Variants in SOX6 observed in about 807,000 individuals in gnomAD.
SOX6 encodes SRY-box transcription factor 6.
SOX6 carries 11 observed loss-of-function variants against 97.8 expected under a neutral mutation model. The ratio of observed to expected loss-of-function variants is 0.11; its 90% confidence interval spans 0.07 to 0.19. The LOEUF (loss-of-function observed/expected upper bound fraction) is 0.19. Among genes scored for constraint, SOX6 ranks in the 10% least tolerant of loss-of-function variants. The pLI is 1.00. For synonymous variants in SOX6, 360 were observed against 371.4 expected, an observed-to-expected ratio of 0.97 and a Z score of 0.35; for missense variants, 810 against 1,039.5, an observed-to-expected ratio of 0.78 and a Z score of 3.04.
intron 4 of SOX6, among the ~76,000 whole-genome samples, chr11:16,604,327 A>T (rs996461361): frequency 6.6e-6 from 1 of 151,542 alleles, no homozygotes; most frequent in Non-Finnish European, 1.5e-5. Context: ...CACCAAACCC[A>T]CCTCCTAGAA....
chr11:16,340,468 A>G (rs1413843296), intron 2 of SOX6, among the ~76,000 whole-genome samples: 1 of 152,078 alleles, frequency 6.6e-6, no homozygotes, highest in Non-Finnish European at 1.5e-5. Flanking sequence ...AAACTCCTGT[A>G]GTCTGATTGA....
rs905476851 is a variant in SOX6, at chr11:16,120,459, G to A, written c.778-8536C>T. Reference sequence around the variant, plus strand: ...AAGTAAACTCCTTAAAAAGTAGAACGAACTCAAGATGTTATAGTTTAAAAG... The same window carrying A: ...AAGTAAACTCCTTAAAAAGTAGAACAAACTCAAGATGTTATAGTTTAAAAG... On this transcript the variant is annotated intron_variant, in intron 6 of 15. Transcript: ENST00000683767. 5.9e-5 allele frequency among the ~76,000 whole-genome samples: 9 copies of A among 151,524 alleles called. No homozygotes were observed. In the South Asian group the frequency reaches 6.2e-4, roughly 10 times the overall value.
intron 1 of SOX6, among the ~76,000 whole-genome samples, chr11:16,466,516 A>C (rs544153201): frequency 1.4e-4 from 22 of 152,282 alleles, no homozygotes; most frequent in African/African-American, 5.3e-4. Flanking sequence ...AAAAGAAACT[A>C]TCGACAGAGT....
At chr11:16,536,603 A>C (rs1395750554) in intron 4 of SOX6, among the ~76,000 whole-genome samples, 2 of 152,122 alleles carry the variant, frequency 1.3e-5, no homozygotes, top group Non-Finnish European at 2.9e-5. Flanking sequence ...CCACACAAAT[A>C]CTGTGCTTTT....
intron 3 of SOX6, among the ~76,000 whole-genome samples, chr11:16,289,152 T>C (rs747595030): frequency 6.6e-6 from 1 of 151,954 alleles, no homozygotes; most frequent in East Asian, 1.9e-4. Flanking sequence ...ATTTGTATAG[T>C]TAAAAACAAT....
intron 1 of SOX6, among the ~76,000 whole-genome samples, chr11:16,451,791 T>C (rs1238023584): frequency 6.6e-6 from 1 of 151,840 alleles, no homozygotes; most frequent in African/African-American, 2.4e-5. Context: ...CCCAACACTT[T>C]GGGAGGCCGA....
At chr11:16,421,831 C>G (rs559468498) in intron 1 of SOX6, among the ~76,000 whole-genome samples, 65 of 152,322 alleles carry the variant, frequency 4.3e-4, no homozygotes, top group African/African-American at 1.5e-3. Context: ...CTGTAAGAAT[C>G]AGTTTACTGT....
chr11:16,226,290 T>C (rs1162645403), intron 4 of SOX6, among the ~76,000 whole-genome samples: 11 of 151,712 alleles, frequency 7.3e-5, no homozygotes, highest in Admixed American at 7.2e-4. Context: ...ACGATTTTCC[T>C]TATTTGGTTG....
At chr11:15,978,414 C>T (rs564412786) in intron 15 of SOX6, among the ~76,000 whole-genome samples, 12 of 151,988 alleles carry the variant, frequency 7.9e-5, no homozygotes, top group South Asian at 2.1e-4. Context: ...ATCTATAACA[C>T]GGGCAGCATT....
intron 2 of SOX6, among the ~76,000 whole-genome samples, chr11:16,725,057 T>C (rs1848296482): frequency 6.6e-6 from 1 of 152,170 alleles, no homozygotes; most frequent in African/African-American, 2.4e-5. Flanking sequence ...AAATCTCTTC[T>C]ACACAAATGT....
intron 1 of SOX6, among the ~76,000 whole-genome samples, chr11:16,355,022 T>C (rs1857038453): frequency 6.6e-6 from 1 of 152,062 alleles, no homozygotes; most frequent in Non-Finnish European, 1.5e-5. Context: ...CAATTCACTT[T>C]AGAAAATCAA....
At chr11:16,691,900 C>T (rs1279486393) in intron 3 of SOX6, among the ~76,000 whole-genome samples, 2 of 152,128 alleles carry the variant, frequency 1.3e-5, no homozygotes, top group African/African-American at 2.4e-5. Context: ...ATTTGTAAAC[C>T]AGATGCATCT....
chr11:16,094,929 T>C (rs1848762288), intron 9 of SOX6, among the ~76,000 whole-genome samples: 1 of 151,704 alleles, frequency 6.6e-6, no homozygotes, highest in Admixed American at 6.6e-5. Flanking sequence ...TTCTTAGGAG[T>C]GATCATTCCC....
At chr11:16,139,346 G>A (rs910406281) in intron 6 of SOX6, among the ~76,000 whole-genome samples, 7 of 152,090 alleles carry the variant, frequency 4.6e-5, no homozygotes, top group Admixed American at 6.6e-5. Flanking sequence ...TGGTTGCCAC[G>A]TGACTTTCTT....
In SOX6 at chr11:16,318,430, T is replaced by C. The variant is rs1590120193; in HGVS notation, c.445+16A>G. On this transcript the variant is annotated intron_variant, in intron 3 of 15. Coordinates refer to ENST00000683767, the MANE Select transcript of SOX6 (RefSeq NM_001367873.1). ...GAAGAAAAAAAACAGAGCCCAACAGTGAAGTCCACACATACCCTCTTGTTC... is the reference window on the plus strand; with the variant it reads ...GAAGAAAAAAAACAGAGCCCAACAGCGAAGTCCACACATACCCTCTTGTTC... The C allele has an allele frequency of 6.8e-6, 11 of 1,610,792 alleles. No individual in the cohort carries two copies. The East Asian group carries it at 2.5e-4, about 36-fold the overall frequency.
intron 1 of SOX6, among the ~76,000 whole-genome samples, chr11:16,469,959 T>C (rs1860109659): frequency 6.6e-6 from 1 of 152,058 alleles, no homozygotes; most frequent in African/African-American, 2.4e-5. Flanking sequence ...ACCTAGTATA[T>C]AAAATTTAAA....
intron 2 of SOX6, among the ~76,000 whole-genome samples, chr11:16,724,684 C>T (rs1848293147): frequency 6.6e-6 from 1 of 152,144 alleles, no homozygotes; most frequent in South Asian, 2.1e-4. Context: ...ACCATTGCTG[C>T]AAATTAATAA....
intron 4 of SOX6, among the ~76,000 whole-genome samples, chr11:16,202,683 G>A (rs1343348796): frequency 6.6e-6 from 1 of 151,910 alleles, no homozygotes; most frequent in African/African-American, 2.4e-5. Flanking sequence ...AACTACACTT[G>A]AGTTCTAAAA....
At position 16,389,969 on chromosome 11, in the gene SOX6, T is replaced by TAAAAAAAAAAAAAAAAAAAAAAAAAAAA. The variant is rs536056301; in HGVS notation, c.-4-48718_-4-48717insTTTTTTTTTTTTTTTTTTTTTTTTTTTT. On this transcript the variant is annotated intron_variant, in intron 1 of 15. Transcript: ENST00000396356. Reference sequence around the variant, plus strand: ...TGGGCGACAGGGCAAGACTCCGTCTTAAAAAAAAAAAAAAAAAAAAAAAAA... The same window carrying TAAAAAAAAAAAAAAAAAAAAAAAAAAAA: ...TGGGCGACAGGGCAAGACTCCGTCTTAAAAAAAAAAAAAAAAAAAAAAAAAAAAAAAAAAAAAAAAAAAAAAAAAAAAA... Among the ~76,000 whole-genome samples the TAAAAAAAAAAAAAAAAAAAAAAAAAAAA allele has an allele frequency of 1.7e-4, 7 of 41,848 alleles. 1 individual carries two copies. The highest frequency in any genetic ancestry group is 1.9e-3 in the South Asian group (1 of 530). The allele number at this position is 41,848 out of a possible 152,430, so 27.5% of individuals were successfully genotyped here.
Sources: gnomAD v4.1 joint callset for allele counts (sites outside exome capture counted in the v4.1 genomes callset) on GRCh38, gnomAD v4.1.1 for gene constraint, MANE v1.5 for transcripts, NCBI Gene and HGNC (gene_info 2026-07-23, HGNC 2026-07-21) for gene names.